Variants in RHBDL2 observed in about 807,000 individuals in gnomAD.
The protein encoded by RHBDL2 is rhomboid like 2.
In RHBDL2, 26 loss-of-function variants were observed where a neutral mutation model predicts 31.7. The observed-to-expected ratio is 0.82, with a 90% CI of 0.60 to 1.14. The LOEUF is 1.14. Ranked by LOEUF, RHBDL2 falls within the 50% of genes most tolerant of loss-of-function variation. The probability of loss-of-function intolerance (pLI) is 0.00; values close to 1 mark genes in which losing one functional copy is unlikely to be tolerated. For synonymous variants in RHBDL2, 123 were observed against 127.2 expected (o/e 0.97, Z 0.22); for missense variants, 336 against 364.4 (o/e 0.92, Z 0.63).
intron 1 of RHBDL2, among the ~76,000 whole-genome samples, chr1:38,924,388 A>G (rs554191943): frequency 2.0e-5 from 3 of 152,218 alleles, no homozygotes; most frequent in African/African-American, 7.2e-5. Flanking sequence ...AGGTCAGGAG[A>G]TCGAGATCAT....
chr1:38,901,884 T>C lies in RHBDL2; in HGVS notation c.509-5815A>G, dbSNP rs193019337. Among the ~76,000 whole-genome samples, 358 of 150,842 alleles carry C rather than the reference T, an allele frequency of 2.4e-3. 2 individuals are homozygous for C. The highest frequency in any genetic ancestry group is 4.6e-3 in the South Asian group (22 of 4,798). On this transcript the variant is annotated intron_variant, in intron 4 of 7. Transcript: ENST00000372990. Reference sequence around the variant, plus strand: ...AATAAATAAATAAAACAAAAACTGATAGAACCACAGGAGAAACAAACAAAT... The same window carrying C: ...AATAAATAAATAAAACAAAAACTGACAGAACCACAGGAGAAACAAACAAAT...
intron 6 of RHBDL2, among the ~76,000 whole-genome samples, chr1:38,892,569 T>A (rs914161455): frequency 6.6e-6 from 1 of 152,214 alleles, no homozygotes; most frequent in African/African-American, 2.4e-5. Context: ...GTGGACAATT[T>A]TTCTCTAACT....
In RHBDL2 at chr1:38,886,482, A is replaced by T; in HGVS notation, c.*22T>A. ...TTCCTCCAGATGGCTCTTTTTATTA[A>T]TTGACTTACAATAGGGGCAGGTCAG... On this transcript the variant is annotated 3_prime_UTR_variant, in exon 8 of 8. Coordinates refer to ENST00000372990, the MANE Select transcript of RHBDL2 (RefSeq NM_017821.5). 6.8e-7 allele frequency: 1 copy of T among 1,468,880 alleles called. No individual in the cohort carries two copies. The highest frequency in any genetic ancestry group is 9.1e-7 in the Non-Finnish European group (1 of 1,099,304). 91.0% of individuals were successfully genotyped at this position (1,468,880 alleles called of 1,614,324 possible). A position where few individuals can be genotyped will look rare whatever the true frequency, so the allele number is the denominator to read the frequency against.
At chr1:38,891,489 GACA>G (rs1280408248) in intron 6 of RHBDL2, among the ~76,000 whole-genome samples, 1 of 152,146 alleles carries the variant, frequency 6.6e-6, no homozygotes, top group Non-Finnish European at 1.5e-5. Context: ...TATCTCAGGT[GACA>G]ACAATTCTGT....
At chr1:38,912,850 A>G (rs1466718676) in intron 3 of RHBDL2, among the ~76,000 whole-genome samples, 2 of 150,008 alleles carry the variant, frequency 1.3e-5, no homozygotes, top group Admixed American at 6.6e-5. Context: ...TGAGGAAACT[A>G]AAGGACAAGG....
chr1:38,937,703 G>T (rs6663063), intron 1 of RHBDL2, among the ~76,000 whole-genome samples: 4,574 of 152,150 alleles, frequency 0.03, 206 homozygotes, highest in African/African-American at 0.1. Flanking sequence ...AAAGCACAAG[G>T]TATTGCAAGT....
intron 4 of RHBDL2, among the ~76,000 whole-genome samples, chr1:38,910,278 T>C (rs779510675): frequency 6.6e-6 from 1 of 152,198 alleles, no homozygotes; most frequent in African/African-American, 2.4e-5. Context: ...ACCCTGACTA[T>C]ATCAACGTGG....
chr1:38,933,975 C>A (rs4970565), intron 1 of RHBDL2, among the ~76,000 whole-genome samples: 36,978 of 151,928 alleles, frequency 0.24, 5,676 homozygotes, highest in Middle Eastern at 0.41. Context: ...TGATCCACCC[C>A]CTTTGGCCTC....
At chr1:38,910,911 T>C (rs1003000052) in intron 4 of RHBDL2, among the ~76,000 whole-genome samples, 2 of 149,114 alleles carry the variant, frequency 1.3e-5, no homozygotes, top group Non-Finnish European at 3.0e-5. Flanking sequence ...CCTGAGTAGC[T>C]GGGATTATAG....
chr1:38,911,604 G>C (rs1257101434), intron 3 of RHBDL2, among the ~76,000 whole-genome samples, 170 bp from the exon 4 acceptor site: 1 of 31,414 alleles, frequency 3.2e-5, no homozygotes, highest in Admixed American at 2.6e-4. Context: ...TCTTTTTTCT[G>C]TGTGTGTGTG....
At chr1:38,915,393 T>A (rs1643218724) in intron 3 of RHBDL2, 169 bp downstream of exon 3, 2 of 626,200 alleles carry the variant, frequency 3.2e-6, no homozygotes, top group Non-Finnish European at 5.4e-6. Context: ...CATGACTACA[T>A]CTCCTATGCC....
At chr1:38,915,745 CCTT>C (rs1643226130) in intron 2 of RHBDL2, 35 bp from the exon 3 acceptor site, 1 of 1,611,800 alleles carries the variant, frequency 6.2e-7, no homozygotes, top group Non-Finnish European at 8.5e-7. Flanking sequence ...ATTAACCACA[CCTT>C]CTCCAGAGAG....
chr1:38,923,325 A>G (rs1037132406), intron 1 of RHBDL2, among the ~76,000 whole-genome samples: 2 of 152,234 alleles, frequency 1.3e-5, no homozygotes, highest in Admixed American at 1.3e-4. Flanking sequence ...ATGCAGAACT[A>G]TTCATAGCCA....
chr1:38,896,480 T>C (rs1642919561), intron 4 of RHBDL2, among the ~76,000 whole-genome samples: 1 of 152,246 alleles, frequency 6.6e-6, no homozygotes, highest in African/African-American at 2.4e-5. Flanking sequence ...ATGTGTATTA[T>C]ATATTTGTTA....
intron 1 of RHBDL2, among the ~76,000 whole-genome samples, chr1:38,936,127 T>A (rs1014018758): frequency 7.2e-5 from 11 of 152,098 alleles, no homozygotes; most frequent in African/African-American, 2.7e-4. Context: ...GGATTCAAAC[T>A]CCTGGGCTCA....
chr1:38,941,520 C>T (rs896479055), intron 1 of RHBDL2, among the ~76,000 whole-genome samples, 162 bp downstream of exon 1: 22 of 152,120 alleles, frequency 1.4e-4, no homozygotes, highest in Admixed American at 1.3e-3. Context: ...GGATCCAAAG[C>T]GGCCACACCA....
At chr1:38,896,498 G>A (rs1642919910) in intron 4 of RHBDL2, among the ~76,000 whole-genome samples, 1 of 152,050 alleles carries the variant, frequency 6.6e-6, no homozygotes, top group Non-Finnish European at 1.5e-5. Context: ...TTAGCTATTA[G>A]GTTGGTGCAA....
chr1:38,894,817 C>T (rs1379831383), intron 5 of RHBDL2, among the ~76,000 whole-genome samples: 1 of 139,842 alleles, frequency 7.2e-6, no homozygotes, highest in Non-Finnish European at 1.5e-5. Flanking sequence ...AGCCATTCTT[C>T]TGCCTCAGTC....
chr1:38,916,706 C>A lies in RHBDL2; in HGVS notation c.247-996G>T, dbSNP rs1206437165. The stretch of plus-strand genomic sequence containing the variant: ...CTACTAAAAATACAAAAAAAACAAA[C>A]AAACAAAAAAAAAAACTAGCCAGGC... On this transcript the variant is annotated intron_variant, in intron 2 of 7. Coordinates refer to ENST00000372990, the MANE Select transcript of RHBDL2 (RefSeq NM_017821.5). Among the ~76,000 whole-genome samples, 163 of 120,434 alleles carry A rather than the reference C, an allele frequency of 1.4e-3. 2 individuals are homozygous for A. Among genetic ancestry groups the A allele is most frequent in the African/African-American group, 4.1e-3 (146 of 35,232 alleles). The allele number at this position is 120,434 out of a possible 152,430, so 79.0% of individuals were successfully genotyped here. A position where few individuals can be genotyped will look rare whatever the true frequency, so the allele number is the denominator to read the frequency against.
Sources: gnomAD v4.1 joint callset for allele counts (sites outside exome capture counted in the v4.1 genomes callset) on GRCh38, gnomAD v4.1.1 for gene constraint, MANE v1.5 for transcripts, NCBI Gene and HGNC (gene_info 2026-07-23, HGNC 2026-07-21) for gene names.